The following GRXCR1 variants were observed in gnomAD, a reference collection of about 807,000 sequenced individuals.
The protein encoded by GRXCR1 is glutaredoxin and cysteine rich domain containing 1.
In GRXCR1, 27 loss-of-function variants were observed where a neutral mutation model predicts 27.3. That is an observed-to-expected ratio of 0.99 (90% CI 0.73 to 1.37). The LOEUF (loss-of-function observed/expected upper bound fraction) is 1.37. Among genes scored for constraint, GRXCR1 ranks in the 40% most tolerant of loss-of-function variants. The pLI, the probability that GRXCR1 is intolerant of heterozygous loss-of-function variation, is 0.00. For missense variants in GRXCR1, 379 were observed against 354.4 expected (o/e 1.07, Z -0.56); for synonymous variants, 122 against 131.1 (o/e 0.93, Z 0.47).
intron 2 of GRXCR1, among the ~76,000 whole-genome samples, chr4:42,972,225 A>G (rs371218487): frequency 6.6e-6 from 1 of 151,752 alleles, no homozygotes; most frequent in African/African-American, 2.4e-5. Flanking sequence ...GGTTTTTATT[A>G]CTCTTCCTTT....
intron 2 of GRXCR1, among the ~76,000 whole-genome samples, chr4:43,004,086 C>A (rs1261675220): frequency 6.6e-6 from 1 of 152,206 alleles, no homozygotes; most frequent in African/African-American, 2.4e-5. Flanking sequence ...CTCTGTGCAG[C>A]CTTGGGACAT....
At chr4:42,949,059 A>G (rs1747814758) in intron 1 of GRXCR1, among the ~76,000 whole-genome samples, 1 of 152,258 alleles carries the variant, frequency 6.6e-6, no homozygotes, top group Non-Finnish European at 1.5e-5. Context: ...ATCTCTATGT[A>G]TTTAAGAAAC....
chr4:42,893,533 G>C lies in GRXCR1; in HGVS notation c.267G>C (p.Glu89Asp), dbSNP rs1417641244. 2.5e-6 allele frequency: 4 copies of C among 1,613,880 alleles called. No individual in the cohort carries two copies. In the East Asian group the frequency reaches 6.7e-5, roughly 27 times the overall value. ...TGGTGTTAGCAAGGGCTGCCAGTGAGAAGGGTTTTGGTACAAGAAGAGTCA... is the reference window on the plus strand; with the variant it reads ...TGGTGTTAGCAAGGGCTGCCAGTGACAAGGGTTTTGGTACAAGAAGAGTCA... Reference protein sequence around the residue: ...SLLVLARAASEKGFGTRRVNI... With the variant: ...SLLVLARAASDKGFGTRRVNI... The change falls in exon 1 of 4, where the codon GAG (glutamate) becomes GAC (aspartate). Residue 89 changes from glutamate to aspartate, a missense_variant. Glu to Asp is a conservative substitution (Grantham distance 45). Coordinates refer to ENST00000399770, the MANE Select transcript of GRXCR1 (RefSeq NM_001080476.3).
intron 3 of GRXCR1, among the ~76,000 whole-genome samples, chr4:43,025,701 G>A (rs1219403752): frequency 6.6e-6 from 1 of 152,174 alleles, no homozygotes; most frequent in African/African-American, 2.4e-5. Flanking sequence ...TCAGGGCCGG[G>A]CGCGGTGGCT....
intron 1 of GRXCR1, among the ~76,000 whole-genome samples, chr4:42,922,589 C>A (rs1438227978): frequency 6.6e-6 from 1 of 151,988 alleles, no homozygotes; most frequent in East Asian, 1.9e-4. Context: ...GTCCCCATGT[C>A]CCCCATTAGG....
chr4:42,919,971 T>G (rs1267757581), intron 1 of GRXCR1, among the ~76,000 whole-genome samples: 2 of 152,142 alleles, frequency 1.3e-5, no homozygotes, highest in African/African-American at 4.8e-5. Flanking sequence ...TCTGTAGAGT[T>G]TCTGCTCTGT....
chr4:42,965,172 C>T (rs909908090), intron 2 of GRXCR1, among the ~76,000 whole-genome samples: 4 of 152,112 alleles, frequency 2.6e-5, no homozygotes, highest in East Asian at 1.9e-4. Flanking sequence ...GTGAAACAGA[C>T]AAATGAGATA....
chr4:42,942,098 AC>A (rs1364043116), intron 1 of GRXCR1, among the ~76,000 whole-genome samples: 1 of 152,036 alleles, frequency 6.6e-6, no homozygotes, highest in Non-Finnish European at 1.5e-5. Context: ...TCTGTGTGGG[AC>A]TAGAGCATCG....
rs149261298 is a variant in GRXCR1 at position 42,943,519 on chromosome 4, C to T, written c.385-19373C>T. Among the ~76,000 whole-genome samples, 782 of 152,118 alleles carry T rather than the reference C, an allele frequency of 5.1e-3. 7 individuals carry two copies. Among genetic ancestry groups the T allele is most frequent in the Non-Finnish European group, 6.6e-3 (446 of 67,990 alleles). ...GAATCAGAATTTCCAGGGCAGAGTC[C>T]TGGACACTTAGTTTTAATAAGCACC... is the stretch of plus-strand genomic sequence containing the variant. On this transcript the variant is annotated intron_variant, in intron 1 of 3. Coordinates refer to ENST00000399770, the MANE Select transcript of GRXCR1 (RefSeq NM_001080476.3).
chr4:43,012,660 C>T (rs183435426), intron 2 of GRXCR1, among the ~76,000 whole-genome samples: 136 of 152,206 alleles, frequency 8.9e-4, no homozygotes, highest in Middle Eastern at 3.4e-3. Flanking sequence ...TACAACAACC[C>T]TATAAACATT....
At chr4:42,999,939 T>C (rs1712295906) in intron 2 of GRXCR1, among the ~76,000 whole-genome samples, 1 of 152,242 alleles carries the variant, frequency 6.6e-6, no homozygotes, top group Non-Finnish European at 1.5e-5. Flanking sequence ...CCTTTCGTGA[T>C]ACACAGTATT....
chr4:42,981,710 T>A (rs1232336580), intron 2 of GRXCR1, among the ~76,000 whole-genome samples: 1 of 152,170 alleles, frequency 6.6e-6, no homozygotes, highest in Non-Finnish European at 1.5e-5. Context: ...TATTCTTGGT[T>A]GACAGTTTTA....
At chr4:43,023,913 T>C (rs765026257) in intron 3 of GRXCR1, among the ~76,000 whole-genome samples, 1 of 152,194 alleles carries the variant, frequency 6.6e-6, no homozygotes, top group African/African-American at 2.4e-5. Context: ...TATTTATTTA[T>C]GTTAATAAAT....
intron 1 of GRXCR1, among the ~76,000 whole-genome samples, chr4:42,948,008 G>GATGGGA (rs1747787685): frequency 6.6e-6 from 1 of 152,172 alleles, no homozygotes; most frequent in African/African-American, 2.4e-5. Context: ...TTGCAGAAGA[G>GATGGGA]ATGGGAAGGC....
At position 42,902,181 on chromosome 4, in the gene GRXCR1, A is replaced by G. The variant is rs1746476059; in HGVS notation, c.384+8531A>G. Among the ~76,000 whole-genome samples, 2 of 152,202 alleles carry G rather than the reference A, an allele frequency of 1.3e-5. 1 individual carries two copies. Among genetic ancestry groups the G allele is most frequent in the South Asian group, 4.1e-4 (2 of 4,836 alleles). On this transcript the variant is annotated intron_variant, in intron 1 of 3. Transcript: ENST00000399770. Reference sequence around the variant, plus strand: ...TGTCAGTATAGAATAACACCAAGTGAGTCAAAAGAAATGAATTAAGAGAAG... The same window carrying G: ...TGTCAGTATAGAATAACACCAAGTGGGTCAAAAGAAATGAATTAAGAGAAG...
intron 1 of GRXCR1, among the ~76,000 whole-genome samples, chr4:42,895,160 AAAAG>A (rs1255574094): frequency 1.3e-5 from 2 of 152,136 alleles, no homozygotes; most frequent in South Asian, 2.1e-4. Flanking sequence ...AAACTCACAA[AAAAG>A]AAAGAGAAGA....
chr4:42,939,305 G>A (rs912199251), intron 1 of GRXCR1, among the ~76,000 whole-genome samples: 8 of 151,276 alleles, frequency 5.3e-5, no homozygotes, highest in African/African-American at 1.9e-4. Flanking sequence ...TTTTCAGATT[G>A]TTCACTGTTG....
intron 1 of GRXCR1, among the ~76,000 whole-genome samples, chr4:42,928,683 A>G (rs1429979220): frequency 6.6e-6 from 1 of 151,980 alleles, no homozygotes; most frequent in African/African-American, 2.4e-5. Flanking sequence ...GATAGGAGCA[A>G]GGGGAGAGAT....
At chr4:43,024,316 G>A (rs1464266646) in intron 3 of GRXCR1, among the ~76,000 whole-genome samples, 2 of 148,384 alleles carry the variant, frequency 1.3e-5, no homozygotes, top group Non-Finnish European at 3.0e-5. Flanking sequence ...TACACACTTA[G>A]TATGTCAAAA....
Sources: allele counts gnomAD v4.1 joint callset (sites outside exome capture counted in the v4.1 genomes callset), GRCh38; gene constraint gnomAD v4.1.1; transcripts MANE v1.5; gene names NCBI Gene and HGNC (gene_info 2026-07-23, HGNC 2026-07-21).